The following PCDH15 variants were observed in gnomAD, a reference collection of about 807,000 sequenced individuals.
PCDH15 encodes protocadherin related 15, also known as protocadherin-15.
A neutral mutation model predicts 178.5 loss-of-function variants in PCDH15; 129 were observed. The ratio of observed to expected loss-of-function variants is 0.72; its 90% confidence interval spans 0.63 to 0.84. The LOEUF (loss-of-function observed/expected upper bound fraction) is 0.84. Ranked by LOEUF, PCDH15 falls within the 40% of genes least tolerant of loss-of-function variation. The probability of loss-of-function intolerance (pLI) is 0.00; values close to 1 mark genes in which losing one functional copy is unlikely to be tolerated. For synonymous variants in PCDH15, 800 were observed against 732.0 expected, an observed-to-expected ratio of 1.09 and a Z score of -1.50; for missense variants, 2,230 against 2,099.9, an observed-to-expected ratio of 1.06 and a Z score of -1.21.
intron 8 of PCDH15, among the ~76,000 whole-genome samples, chr10:54,304,359 A>G (rs1346466974): frequency 6.6e-6 from 1 of 152,122 alleles, no homozygotes; most frequent in Non-Finnish European, 1.5e-5. Context: ...AAGCAAATCT[A>G]CATTAGGAAG....
intron 1 of PCDH15, among the ~76,000 whole-genome samples, chr10:54,731,591 CACAT>C (rs1349043289): frequency 1.4e-4 from 18 of 130,444 alleles, no homozygotes; most frequent in African/African-American, 4.1e-4. Context: ...CACACACACA[CACAT>C]ATATATATAG....
intron 2 of PCDH15, among the ~76,000 whole-genome samples, chr10:54,617,451 C>T (rs1174497640): frequency 6.6e-6 from 1 of 151,988 alleles, no homozygotes. Flanking sequence ...AGAGAACATA[C>T]ACTTTTACTA....
At chr10:54,728,040 T>C (rs1219657219) in intron 1 of PCDH15, among the ~76,000 whole-genome samples, 1 of 151,392 alleles carries the variant, frequency 6.6e-6, no homozygotes, top group African/African-American at 2.4e-5. Context: ...ACTGAAACTA[T>C]TCCAAAAAAC....
chr10:53,966,908 G>A (rs939461329), intron 21 of PCDH15, among the ~76,000 whole-genome samples: 8 of 151,570 alleles, frequency 5.3e-5, no homozygotes, highest in African/African-American at 1.9e-4. Flanking sequence ...ATATATATAT[G>A]TATATATATT....
At chr10:54,513,147 A>T (rs915839948) in intron 3 of PCDH15, among the ~76,000 whole-genome samples, 15 of 152,008 alleles carry the variant, frequency 9.9e-5, no homozygotes, top group African/African-American at 3.4e-4. Context: ...TGTATATTTT[A>T]TACTTTAATT....
chr10:54,637,135 A>C (rs1249764091), intron 2 of PCDH15, among the ~76,000 whole-genome samples: 1 of 151,578 alleles, frequency 6.6e-6, no homozygotes, highest in African/African-American at 2.4e-5. Context: ...CAAAAAAAAA[A>C]AAAAAACAAT....
At chr10:54,085,932 C>T (rs918255011) in intron 16 of PCDH15, among the ~76,000 whole-genome samples, 1 of 151,912 alleles carries the variant, frequency 6.6e-6, no homozygotes, top group East Asian at 1.9e-4. Context: ...TTAAAGTATA[C>T]AATAGACATG....
In PCDH15 at chr10:54,631,957, G is replaced by A. The variant is rs1357383772; in HGVS notation, c.91+32215C>T. 5.3e-5 allele frequency among the ~76,000 whole-genome samples: 8 copies of A among 152,160 alleles called. No individual in the cohort carries two copies. The East Asian group carries it at 1.6e-3, about 29-fold the overall frequency. On this transcript the variant is annotated intron_variant, in intron 2 of 37. Coordinates refer to ENST00000644397, the MANE Select transcript of PCDH15 (RefSeq NM_001384140.1). ...CCTGGTCTCTCCCTTGACACGTGGG[G>A]ATTAAAAGGATTACAATTCAAAATG...
chr10:54,759,811 T>C (rs780348713), intron 1 of PCDH15, among the ~76,000 whole-genome samples: 27 of 152,120 alleles, frequency 1.8e-4, no homozygotes, highest in Non-Finnish European at 3.5e-4. Context: ...TACACTGACG[T>C]TTGGGGGCTG....
intron 1 of PCDH15, among the ~76,000 whole-genome samples, chr10:54,695,661 T>C (rs1391262659): frequency 6.6e-6 from 1 of 152,068 alleles, no homozygotes; most frequent in African/African-American, 2.4e-5. Context: ...TATCTTGTTA[T>C]GGATGAATGT....
At chr10:54,839,135 C>A (rs1208767390) in intron 3 of PCDH15, among the ~76,000 whole-genome samples, 1 of 152,094 alleles carries the variant, frequency 6.6e-6, no homozygotes, top group African/African-American at 2.4e-5. Context: ...AAAATACAGG[C>A]AAACATGATA....
intron 2 of PCDH15, among the ~76,000 whole-genome samples, chr10:55,426,844 C>T (rs756931180): frequency 2.0e-5 from 3 of 152,234 alleles, no homozygotes; most frequent in South Asian, 2.1e-4. Context: ...ATTTCTTCTC[C>T]GAAGTTATGC....
chr10:54,125,431 G>T (rs1490967797), intron 15 of PCDH15, among the ~76,000 whole-genome samples: 1 of 152,142 alleles, frequency 6.6e-6, no homozygotes, highest in Admixed American at 6.5e-5. Flanking sequence ...CTTTTGTTAA[G>T]AATCATGAAG....
intron 1 of PCDH15, among the ~76,000 whole-genome samples, chr10:55,280,095 G>C (rs1484959737): frequency 6.6e-6 from 1 of 151,844 alleles, no homozygotes; most frequent in Non-Finnish European, 1.5e-5. Context: ...AAGACAAGCA[G>C]GTGAACAAAA....
At position 53,827,479 on chromosome 10, in the gene PCDH15, C is replaced by T. The variant is rs1286261538; in HGVS notation, c.4281G>A (p.Pro1427=). 4 of 1,614,052 alleles carry T rather than the reference C, an allele frequency of 2.5e-6. No individual in the cohort carries two copies. The highest frequency in any genetic ancestry group is 1.3e-5 in the African/African-American group (1 of 75,046). Residue 1427 remains proline, a synonymous_variant, in exon 32 of 38, where the codon CCG becomes CCA. Coordinates refer to ENST00000644397, the MANE Select transcript of PCDH15 (RefSeq NM_001384140.1). ...GGGGCGCTGCCACTGGTGCAGGAGCCGGCACTGCTGGTTTAGCCGCGGGTA... is the reference window on the plus strand; with the variant it reads ...GGGGCGCTGCCACTGGTGCAGGAGCTGGCACTGCTGGTTTAGCCGCGGGTA... ...AALPAAKPAV[P]APAPVAAPPP...
intron 2 of PCDH15, among the ~76,000 whole-genome samples, chr10:55,086,933 A>G (rs891678655): frequency 6.6e-6 from 1 of 152,036 alleles, no homozygotes; most frequent in Non-Finnish European, 1.5e-5. Flanking sequence ...CTTAGGATAA[A>G]GAGACGTTGT....
intron 31 of PCDH15, 150 bp downstream of exon 31, chr10:53,828,415 C>A: frequency 1.5e-6 from 1 of 676,852 alleles, no homozygotes; most frequent in Non-Finnish European, 2.6e-6. Context: ...CAGCTCAATT[C>A]TATATATATC....
intron 2 of PCDH15, among the ~76,000 whole-genome samples, chr10:55,063,340 T>A (rs1377566837): frequency 2.0e-5 from 3 of 152,132 alleles, no homozygotes. Flanking sequence ...GCATAGTATA[T>A]CTCAACATTC....
At chr10:53,833,215 A>G (rs2077114207) in intron 29 of PCDH15, among the ~76,000 whole-genome samples, 1 of 152,078 alleles carries the variant, frequency 6.6e-6, no homozygotes, top group African/African-American at 2.4e-5. Flanking sequence ...ATATACCCCT[A>G]CAATGTGGAG....
Sources: allele counts gnomAD v4.1 joint callset (sites outside exome capture counted in the v4.1 genomes callset), GRCh38; gene constraint gnomAD v4.1.1; transcripts MANE v1.5; gene names NCBI Gene and HGNC (gene_info 2026-07-23, HGNC 2026-07-21).